SLC66A1: variants seen among roughly 807,000 people sequenced by gnomAD.
SLC66A1 encodes solute carrier family 66 member 1.
SLC66A1 carries 23 observed loss-of-function variants against 33.0 expected under a neutral mutation model. The observed-to-expected ratio is 0.70, with a 90% CI of 0.50 to 0.99. The LOEUF is 0.99. Ranked by LOEUF, SLC66A1 falls within the 50% of genes least tolerant of loss-of-function variation. The probability of loss-of-function intolerance (pLI) is 0.00; values close to 1 mark genes in which losing one functional copy is unlikely to be tolerated. For missense variants in SLC66A1, 335 were observed against 383.6 expected (o/e 0.87, Z 1.06); for synonymous variants, 164 against 175.5 (o/e 0.93, Z 0.52).
chr1:19,326,746 C>A, intron 6 of SLC66A1, 123 bp downstream of exon 6: 1 of 1,053,736 alleles, frequency 9.5e-7, no homozygotes, highest in Non-Finnish European at 1.4e-6. Context: ...GGTCTACTCC[C>A]GCTGTTGGCT....
chr1:19,324,614 T>G lies in SLC66A1; in HGVS notation c.165-19T>G. On this transcript the variant is annotated intron_variant, in intron 2 of 7. Transcript: ENST00000375153. Reference sequence around the variant, plus strand: ...TAAGGTGGCCTGAGCATGCATCCCTTCCTCTTCCTCTTCCACAGCCAGTTC... The same window carrying G: ...TAAGGTGGCCTGAGCATGCATCCCTGCCTCTTCCTCTTCCACAGCCAGTTC... The G allele has an allele frequency of 6.2e-7, 1 of 1,613,500 alleles. No homozygotes were observed. Among genetic ancestry groups the G allele is most frequent in the Non-Finnish European group, 8.5e-7 (1 of 1,179,532 alleles).
At chr1:19,327,498 T>C in intron 7 of SLC66A1, 86 bp downstream of exon 7, 1 of 1,457,752 alleles carries the variant, frequency 6.9e-7, no homozygotes, top group Non-Finnish European at 9.4e-7. Context: ...CATCCGTCTC[T>C]TCCTCCCTTC....
chr1:19,317,944 T>A, intron 2 of SLC66A1, 103 bp downstream of exon 2: 1 of 1,492,952 alleles, frequency 6.7e-7, no homozygotes, highest in Non-Finnish European at 9.0e-7. Context: ...CACGGGCCTC[T>A]CCAGACTAGA....
chr1:19,316,352 T>G (rs1365616458), intron 1 of SLC66A1, among the ~76,000 whole-genome samples: 1 of 120,060 alleles, frequency 8.3e-6, no homozygotes, highest in East Asian at 2.3e-4. Flanking sequence ...CTCTTTATGG[T>G]TTGTGTGTGT....
At chr1:19,320,794 C>T (rs1456216426) in intron 2 of SLC66A1, among the ~76,000 whole-genome samples, 1 of 147,178 alleles carries the variant, frequency 6.8e-6, no homozygotes, top group Non-Finnish European at 1.5e-5. Context: ...CTCACTGTAA[C>T]CTCTGCCTCC....
At chr1:19,330,761 C>T (rs866673953), downstream of SLC66A1, among the ~76,000 whole-genome samples, 8 of 152,170 alleles carry the variant, frequency 5.3e-5, no homozygotes, top group Middle Eastern at 3.2e-3. Flanking sequence ...CAGCAGCAGC[C>T]CAGCAGCAGG....
chr1:19,316,108 CG>C (rs2093803668), intron 1 of SLC66A1, among the ~76,000 whole-genome samples: 2 of 152,118 alleles, frequency 1.3e-5, no homozygotes, highest in African/African-American at 4.8e-5. Flanking sequence ...CCAGGGTGCC[CG>C]GGTAGCGGGA....
chr1:19,321,860 CAT>C (rs1262423725), intron 2 of SLC66A1, among the ~76,000 whole-genome samples: 2 of 152,166 alleles, frequency 1.3e-5, no homozygotes, highest in South Asian at 2.1e-4. Flanking sequence ...AGCCACCACA[CAT>C]GTGGATATCC....
chr1:19,328,970 A>T lies in SLC66A1; in HGVS notation c.*327A>T, dbSNP rs2093884285. 9.3e-6 allele frequency: 4 copies of T among 430,388 alleles called. No homozygotes were observed. In the East Asian group the frequency reaches 1.8e-4, roughly 20 times the overall value. The allele number at this position is 430,388 out of a possible 1,614,324, so 26.7% of individuals were successfully genotyped here. ...TCCTGTCAACTCCAGACAACTGAAT[A>T]AACAGGCCGGGTACAGTGGCTCGCA... On this transcript the variant is annotated 3_prime_UTR_variant, in exon 8 of 8. Coordinates refer to ENST00000375153, the MANE Select transcript of SLC66A1 (RefSeq NM_001040125.2). This position sits in a 1 kb window ranked among gnomAD's most constrained non-coding sequence, Gnocchi z 4.7.
At chr1:19,327,493 G>A (rs1569804532) in intron 7 of SLC66A1, 81 bp downstream of exon 7, 21 of 1,464,244 alleles carry the variant, frequency 1.4e-5, no homozygotes, top group Middle Eastern at 2.4e-4. Flanking sequence ...GCACTCATCC[G>A]TCTCTTCCTC....
At chr1:19,330,709 G>A (rs1020880109), downstream of SLC66A1, among the ~76,000 whole-genome samples, 2 of 152,168 alleles carry the variant, frequency 1.3e-5, no homozygotes, top group South Asian at 2.1e-4. Context: ...AAGGAGCCTT[G>A]AAAGCCACAC....
At chr1:19,327,792 C>G (rs1010276729) in intron 7 of SLC66A1, 15 of 381,522 alleles carry the variant, frequency 3.9e-5, no homozygotes, top group Non-Finnish European at 6.4e-5. Flanking sequence ...GCAGCAAAGG[C>G]CCCTATAAGT....
chr1:19,324,709 G>A lies in SLC66A1; in HGVS notation c.241G>A (p.Gly81Arg), dbSNP rs372174795. 8.7e-6 allele frequency: 14 copies of A among 1,613,964 alleles called. No individual in the cohort carries two copies. Among genetic ancestry groups the A allele is most frequent in the Admixed American group, 1.7e-5 (1 of 59,998 alleles). The change falls in exon 3 of 8, where the codon GGA becomes AGA. Residue 81 changes from glycine to arginine, a missense_variant. Physicochemically the swap from Gly to Arg is moderately radical, Grantham distance 125 (BLOSUM62 -2). Coordinates refer to ENST00000375153, the MANE Select transcript of SLC66A1 (RefSeq NM_001040125.2). The stretch of plus-strand genomic sequence containing the variant: ...GTGGTTCCTCCTGGGCTGGATTGGC[G>A]GAGACTCCTGCAACCTCATCGGCTC... ...SLWFLLGWIG[G>R]DSCNLIGSFL...
chr1:19,329,358 C>G (rs574043328), downstream of SLC66A1: 1 of 152,610 alleles, frequency 6.6e-6, no homozygotes, highest in East Asian at 1.9e-4. Flanking sequence ...GCTTTGGGGA[C>G]CAGCGGTGGA....
downstream of SLC66A1, among the ~76,000 whole-genome samples, chr1:19,331,621 G>C (rs1338012632): frequency 6.6e-6 from 1 of 152,206 alleles, no homozygotes; most frequent in Non-Finnish European, 1.5e-5. Flanking sequence ...TTACCCCCAG[G>C]CCCGAAGCCC....
At chr1:19,313,746 A>T (rs947750745) in intron 1 of SLC66A1, among the ~76,000 whole-genome samples, 25 of 152,212 alleles carry the variant, frequency 1.6e-4, no homozygotes, top group Non-Finnish European at 3.1e-4. Context: ...TTCTTGGAGT[A>T]ACTTGAGGCC....
At chr1:19,319,605 G>GTTTTTTTTTTGTTT (rs56769657) in intron 2 of SLC66A1, among the ~76,000 whole-genome samples, 11 of 111,846 alleles carry the variant, frequency 9.8e-5, no homozygotes, top group African/African-American at 3.6e-4. Flanking sequence ...GCACATTCAT[G>GTTTTTTTTTTGTTT]TTTTTTTTTT....
chr1:19,314,196 T>C (rs1402812304), intron 1 of SLC66A1, among the ~76,000 whole-genome samples: 1 of 152,186 alleles, frequency 6.6e-6, no homozygotes, highest in Admixed American at 6.5e-5. Flanking sequence ...TGTTCAGGGA[T>C]CAGGTGTGTC....
At chr1:19,329,358 C>T (rs574043328), downstream of SLC66A1, 1 of 152,728 alleles carries the variant, frequency 6.5e-6, no homozygotes, top group East Asian at 1.9e-4. Flanking sequence ...GCTTTGGGGA[C>T]CAGCGGTGGA....
Sources: allele counts gnomAD v4.1 joint callset (sites outside exome capture counted in the v4.1 genomes callset), GRCh38; gene constraint gnomAD v4.1.1; non-coding constraint Gnocchi (gnomAD v3.1); transcripts MANE v1.5; gene names NCBI Gene and HGNC (gene_info 2026-07-23, HGNC 2026-07-21).